The following SGK3 variants were observed in gnomAD, a reference collection of about 807,000 sequenced individuals.
The protein encoded by SGK3 is serine/threonine-protein kinase Sgk3.
Under a neutral mutation model 68.5 loss-of-function variants are expected in SGK3, and 47 were observed. The ratio of observed to expected loss-of-function variants is 0.69; its 90% CI spans 0.54 to 0.87. SGK3 has a LOEUF of 0.87. Among genes scored for constraint, SGK3 ranks in the 40% least tolerant of loss-of-function variants. The pLI, the probability that SGK3 is intolerant of heterozygous loss-of-function variation, is 0.00. For missense variants in SGK3, 479 were observed against 575.5 expected (o/e 0.83, Z 1.72); for synonymous variants, 181 against 189.1 (o/e 0.96, Z 0.35).
chr8:66,748,668 C>T (rs924532916), intron 1 of SGK3, among the ~76,000 whole-genome samples: 2 of 152,058 alleles, frequency 1.3e-5, no homozygotes, highest in African/African-American at 2.4e-5. Context: ...CTTCTAACAC[C>T]ACTGATTTAG....
At chr8:66,834,729 C>T (rs1039916089) in intron 8 of SGK3, among the ~76,000 whole-genome samples, 5 of 151,740 alleles carry the variant, frequency 3.3e-5, no homozygotes, top group Admixed American at 6.6e-5. Flanking sequence ...GCCAGGAAAT[C>T]GAGACCGTCC....
At chr8:66,762,623 G>A (rs116063045) in intron 1 of SGK3, among the ~76,000 whole-genome samples, 5,331 of 152,214 alleles carry the variant, frequency 0.035, 106 homozygotes, top group African/African-American at 0.053. Flanking sequence ...ATCTAGTCAT[G>A]TTTGAATTCT....
intron 1 of SGK3, among the ~76,000 whole-genome samples, chr8:66,719,542 C>T (rs757583101): frequency 5.9e-5 from 9 of 152,070 alleles, no homozygotes; most frequent in Non-Finnish European, 1.3e-4. Flanking sequence ...TGGTCTCGAA[C>T]CCCTGGACTC....
chr8:66,782,946 T>C (rs187067481), intron 1 of SGK3, among the ~76,000 whole-genome samples: 3 of 152,376 alleles, frequency 2.0e-5, no homozygotes, highest in Admixed American at 6.5e-5. Flanking sequence ...GACATCCATT[T>C]ACAGGTTTTT....
chr8:66,775,818 A>T (rs1057356038), intron 1 of SGK3, among the ~76,000 whole-genome samples: 1 of 151,524 alleles, frequency 6.6e-6, no homozygotes, highest in Non-Finnish European at 1.5e-5. Context: ...TAGGGAGTGT[A>T]TCTTGGAGAT....
chr8:66,722,849 G>T (rs113471095), intron 1 of SGK3, among the ~76,000 whole-genome samples: 4,677 of 151,838 alleles, frequency 0.031, 116 homozygotes, highest in South Asian at 0.053. Flanking sequence ...GGGACATCAC[G>T]TGGCGAAAAC....
At chr8:66,810,452 A>G (rs1020276134) in intron 4 of SGK3, among the ~76,000 whole-genome samples, 5 of 152,166 alleles carry the variant, frequency 3.3e-5, no homozygotes, top group African/African-American at 4.8e-5. Flanking sequence ...TGTAATCCCA[A>G]CACTTTGGGA....
chr8:66,836,140 C>A, intron 10 of SGK3, 66 bp downstream of exon 10: 1 of 1,550,652 alleles, frequency 6.4e-7, no homozygotes, highest in Non-Finnish European at 8.7e-7. Flanking sequence ...CAAAGTTTTT[C>A]TTGTAAGTTT....
chr8:66,783,699 A>AT (rs1807084774), intron 1 of SGK3, among the ~76,000 whole-genome samples: 1 of 151,334 alleles, frequency 6.6e-6, no homozygotes, highest in Non-Finnish European at 1.5e-5. Context: ...TTATTTCTTT[A>AT]TTTTTTTGGT....
At chr8:66,730,473 T>C (rs1045884903) in intron 1 of SGK3, among the ~76,000 whole-genome samples, 22 of 152,226 alleles carry the variant, frequency 1.4e-4, no homozygotes, top group Admixed American at 6.5e-5. Flanking sequence ...CTCGGTTTTT[T>C]TCTTTGTTGC....
At chr8:66,752,416 A>C (rs1805844915) in intron 1 of SGK3, among the ~76,000 whole-genome samples, 2 of 152,172 alleles carry the variant, frequency 1.3e-5, no homozygotes. Context: ...ATGTAAAGGA[A>C]ATAAACATGC....
intron 1 of SGK3, among the ~76,000 whole-genome samples, chr8:66,771,971 A>G (rs796424799): frequency 7.3e-5 from 11 of 150,880 alleles, no homozygotes; most frequent in African/African-American, 2.4e-4. Context: ...ATCATGAAGT[A>G]ACTGGTGTTA....
intron 16 of SGK3, among the ~76,000 whole-genome samples, chr8:66,852,207 T>C (rs1377735318): frequency 1.3e-5 from 2 of 151,628 alleles, no homozygotes; most frequent in African/African-American, 4.8e-5. Flanking sequence ...TGATTTGGAG[T>C]TTTAAGATCA....
At chr8:66,767,609 C>CT in intron 1 of SGK3, 1 of 1,371,202 alleles carries the variant, frequency 7.3e-7, no homozygotes, top group Non-Finnish European at 1.0e-6. Flanking sequence ...ATCTGGTGCT[C>CT]TTCAGGCAGG....
At chr8:66,733,777 T>G (rs1242548837) in intron 1 of SGK3, among the ~76,000 whole-genome samples, 1 of 152,210 alleles carries the variant, frequency 6.6e-6, no homozygotes, top group Non-Finnish European at 1.5e-5. Context: ...GAAGTTTTTG[T>G]TCCCAACTTT....
At chr8:66,788,095 T>C (rs1043554089) in intron 1 of SGK3, among the ~76,000 whole-genome samples, 2 of 152,222 alleles carry the variant, frequency 1.3e-5, no homozygotes, top group Non-Finnish European at 2.9e-5. Context: ...TCCTGCTAAC[T>C]GGCCTTAGGA....
intron 6 of SGK3, among the ~76,000 whole-genome samples, chr8:66,823,133 G>A (rs895038536): frequency 2.6e-5 from 4 of 152,080 alleles, no homozygotes; most frequent in African/African-American, 9.7e-5. Context: ...TAATTATGCA[G>A]TGTATACAGT....
In SGK3 at chr8:66,744,511, A is replaced by T. The variant is rs1281699513; in HGVS notation, c.-122+31678A>T. 3.8e-4 allele frequency among the ~76,000 whole-genome samples: 10 copies of T among 26,324 alleles called. 1 individual carries two copies. Among genetic ancestry groups the T allele is most frequent in the African/African-American group, 1.8e-3 (7 of 3,908 alleles). 17.3% of individuals were successfully genotyped at this position (26,324 alleles called of 152,430 possible). A position where few individuals can be genotyped will look rare whatever the true frequency, so the allele number is the denominator to read the frequency against. ...TATATATATATATATATATATATAT[A>T]TATATATATTTTTTTTTTTTTTTTT... On this transcript the variant is annotated intron_variant, in intron 1 of 16. Transcript: ENST00000521198.
intron 1 of SGK3, among the ~76,000 whole-genome samples, chr8:66,775,941 G>A (rs1184797685): frequency 1.3e-5 from 2 of 152,134 alleles, no homozygotes; most frequent in African/African-American, 4.8e-5. Flanking sequence ...TATGTAAAAT[G>A]GGGATAATGA....
Sources: gnomAD v4.1 joint callset for allele counts (sites outside exome capture counted in the v4.1 genomes callset) on GRCh38, gnomAD v4.1.1 for gene constraint, MANE v1.5 for transcripts, NCBI Gene and HGNC (gene_info 2026-07-23, HGNC 2026-07-21) for gene names.